Variants in GPHN observed in about 807,000 individuals in gnomAD.
The protein encoded by GPHN is gephyrin.
In GPHN, 17 loss-of-function variants were observed where a neutral mutation model predicts 95.5. The ratio of observed to expected loss-of-function variants is 0.18; its 90% confidence interval spans 0.12 to 0.27. The LOEUF (loss-of-function observed/expected upper bound fraction) is 0.27, where lower values mean the gene tolerates loss of function less well. Ranked by LOEUF, GPHN falls within the 10% of genes least tolerant of loss-of-function variation. GPHN has a pLI of 1.00. For missense variants in GPHN, 660 were observed against 978.1 expected (o/e 0.67, Z 4.34); for synonymous variants, 320 against 322.5 (o/e 0.99, Z 0.08).
intron 10 of GPHN, among the ~76,000 whole-genome samples, chr14:67,039,807 C>A (rs1433969496): frequency 6.6e-6 from 1 of 152,074 alleles, no homozygotes; most frequent in Non-Finnish European, 1.5e-5. Context: ...CAAAACAAAA[C>A]CTCACTCACT....
intron 2 of GPHN, among the ~76,000 whole-genome samples, chr14:66,697,810 C>CCCAA (rs1266993677): frequency 1.3e-5 from 2 of 151,738 alleles, no homozygotes; most frequent in African/African-American, 2.4e-5. Context: ...ACTTCAGCTT[C>CCCAA]CCAAGTAGCT....
intron 2 of GPHN, among the ~76,000 whole-genome samples, chr14:66,690,048 T>C (rs1052014110): frequency 1.3e-5 from 2 of 151,972 alleles, no homozygotes; most frequent in Non-Finnish European, 2.9e-5. Context: ...CAATTTTACT[T>C]ATTTCAGCTT....
intron 4 of GPHN, among the ~76,000 whole-genome samples, chr14:66,860,139 C>G (rs1481278953): frequency 6.6e-6 from 1 of 151,980 alleles, no homozygotes; most frequent in Non-Finnish European, 1.5e-5. Flanking sequence ...TAACACTAAG[C>G]AGATTTAACT....
In GPHN at chr14:66,836,682, G is replaced by A. The variant is rs1368224820; in HGVS notation, c.294+12116G>A. ...ACCTACAAAATGGGAGAAAATTTTC[G>A]CAACCTACTCATCTGACAAAGCACT... On this transcript the variant is annotated intron_variant, in intron 4 of 22. Transcript: ENST00000478722. 9.6e-5 allele frequency among the ~76,000 whole-genome samples: 14 copies of A among 145,886 alleles called. No homozygotes were observed. In the South Asian group the frequency reaches 1.5e-3, roughly 16 times the overall value.
chr14:67,326,987 T>C, the GPHN span, among the ~76,000 whole-genome samples: 883 of 152,218 alleles, frequency 5.8e-3, 3 homozygotes, highest in African/African-American at 7.0e-3. Flanking sequence ...CCAGCCTGGC[T>C]AACATAGTGA....
At chr14:67,441,474 C>A in the GPHN span, among the ~76,000 whole-genome samples, 1 of 152,160 alleles carries the variant, frequency 6.6e-6, no homozygotes, top group Non-Finnish European at 1.5e-5. Flanking sequence ...AAGAAAAGGA[C>A]CCTATGTCAG....
At chr14:67,584,181 G>T in the GPHN span, 1 of 1,568,838 alleles carries the variant, frequency 6.4e-7, no homozygotes, top group East Asian at 2.3e-5. Context: ...AACTGCTCAT[G>T]TTTGAGCCAT....
At chr14:66,521,634 A>G (rs189770283) in intron 1 of GPHN, among the ~76,000 whole-genome samples, 102 of 152,236 alleles carry the variant, frequency 6.7e-4, no homozygotes, top group African/African-American at 2.3e-3. Flanking sequence ...CTATGTCCAC[A>G]TATGTTGGAA....
the GPHN span, chr14:67,412,112 G>A: frequency 2.8e-6 from 4 of 1,452,870 alleles, no homozygotes; most frequent in African/African-American, 3.0e-5. Context: ...CGCGCCTCGC[G>A]CTCCTCGGCA....
intron 2 of GPHN, among the ~76,000 whole-genome samples, chr14:66,717,329 C>T (rs1288273425): frequency 6.6e-6 from 1 of 152,060 alleles, no homozygotes; most frequent in Non-Finnish European, 1.5e-5. Flanking sequence ...ATAAGTGTGT[C>T]GTATGTTTCC....
At chr14:66,808,941 G>A (rs762542801) in intron 3 of GPHN, among the ~76,000 whole-genome samples, 1 of 152,174 alleles carries the variant, frequency 6.6e-6, no homozygotes, top group Non-Finnish European at 1.5e-5. Context: ...ATGAACAAAT[G>A]TACTAAATGT....
intron 1 of GPHN, among the ~76,000 whole-genome samples, chr14:66,519,637 G>C (rs994266076): frequency 1.3e-5 from 2 of 151,970 alleles, no homozygotes; most frequent in Non-Finnish European, 2.9e-5. Context: ...TGTTTAATAC[G>C]TGTTGGCTGC....
At chr14:67,672,444 TTTC>T in the GPHN span, among the ~76,000 whole-genome samples, 4 of 98,278 alleles carry the variant, frequency 4.1e-5, no homozygotes, top group Non-Finnish European at 7.8e-5. Context: ...TTTCTTTTCT[TTTC>T]TTTTTTTTTT....
At position 66,694,258 on chromosome 14, in the gene GPHN, G is replaced by A. The variant is rs772190670; in HGVS notation, c.143+13073G>A. ...CCACCATATGCGATTATAGCCAGAAGACAGACATCTATCAATCAGGAAGTA... is the reference window on the plus strand; with the variant it reads ...CCACCATATGCGATTATAGCCAGAAAACAGACATCTATCAATCAGGAAGTA... On this transcript the variant is annotated intron_variant, in intron 2 of 22. Transcript: ENST00000478722. Among the ~76,000 whole-genome samples, 8 of 152,206 alleles carry A rather than the reference G, an allele frequency of 5.3e-5. No homozygotes were observed. In the East Asian group the frequency reaches 5.8e-4, roughly 11 times the overall value.
At chr14:66,846,448 C>CA (rs760232649) in intron 4 of GPHN, among the ~76,000 whole-genome samples, 18 of 151,588 alleles carry the variant, frequency 1.2e-4, no homozygotes, top group South Asian at 6.3e-4. Context: ...AGACATTTAA[C>CA]AAAAAAAATG....
intron 2 of GPHN, among the ~76,000 whole-genome samples, chr14:66,685,887 A>C (rs941299101): frequency 6.6e-6 from 1 of 152,208 alleles, no homozygotes; most frequent in Non-Finnish European, 1.5e-5. Flanking sequence ...TAGGTCTAAC[A>C]TGTAAGTCTT....
the GPHN span, among the ~76,000 whole-genome samples, chr14:67,723,062 C>T: frequency 6.6e-6 from 1 of 152,216 alleles, no homozygotes; most frequent in African/African-American, 2.4e-5. Flanking sequence ...AACTCGGAGA[C>T]TCTGTCCCTA....
intron 1 of GPHN, among the ~76,000 whole-genome samples, chr14:66,665,424 C>A (rs1016596282): frequency 6.6e-6 from 1 of 152,194 alleles, no homozygotes; most frequent in African/African-American, 2.4e-5. Flanking sequence ...ACAGCACCAT[C>A]AACAAGTGAG....
chr14:66,932,272 T>C (rs1259014658), intron 8 of GPHN, among the ~76,000 whole-genome samples: 1 of 151,982 alleles, frequency 6.6e-6, no homozygotes, highest in Admixed American at 6.6e-5. Context: ...GAAGGGTTAA[T>C]GGAAGCACTC....
Sources: gnomAD v4.1 joint callset for allele counts (sites outside exome capture counted in the v4.1 genomes callset) on GRCh38, gnomAD v4.1.1 for gene constraint, MANE v1.5 for transcripts, NCBI Gene and HGNC (gene_info 2026-07-23, HGNC 2026-07-21) for gene names.